GMDS: variants seen among roughly 807,000 people sequenced by gnomAD.
The protein encoded by GMDS is GDP-mannose 4,6-dehydratase, also known as GDP-mannose 4,6 dehydratase.
In GMDS, 20 loss-of-function variants were observed where a neutral mutation model predicts 49.9. That is an observed-to-expected ratio of 0.40 (90% CI 0.28 to 0.58). The LOEUF (loss-of-function observed/expected upper bound fraction) is 0.58, where lower values mean the gene tolerates loss of function less well. GMDS is among the 20% of genes least tolerant of loss of function. The probability of loss-of-function intolerance (pLI) is 0.42; values close to 1 mark genes in which losing one functional copy is unlikely to be tolerated. For synonymous variants in GMDS, 177 were observed against 178.6 expected (o/e 0.99, Z 0.07); for missense variants, 362 against 481.4 (o/e 0.75, Z 2.32).
intron 1 of GMDS, among the ~76,000 whole-genome samples, chr6:2,241,799 C>T (rs989829961): frequency 6.6e-6 from 1 of 152,174 alleles, no homozygotes; most frequent in East Asian, 1.9e-4. Context: ...ACCAAATAAA[C>T]CTCTTTTCTT....
At chr6:2,174,758 G>A (rs1778191101) in intron 1 of GMDS, among the ~76,000 whole-genome samples, 1 of 151,876 alleles carries the variant, frequency 6.6e-6, no homozygotes. Context: ...TAGTAGAGAC[G>A]GGATTGCACC....
At chr6:1,791,723 C>T (rs765852936) in intron 7 of GMDS, among the ~76,000 whole-genome samples, 4 of 152,134 alleles carry the variant, frequency 2.6e-5, no homozygotes, top group Non-Finnish European at 2.9e-5. Context: ...TAGAATACAA[C>T]GTGCATTTTG....
intron 9 of GMDS, among the ~76,000 whole-genome samples, chr6:1,628,767 TTAA>T (rs1313000212): frequency 6.6e-6 from 1 of 152,184 alleles, no homozygotes; most frequent in Non-Finnish European, 1.5e-5. Flanking sequence ...GACAGGGATG[TTAA>T]TAAGGAAAGC....
intron 7 of GMDS, among the ~76,000 whole-genome samples, chr6:1,819,220 T>C (rs574442608): frequency 9.3e-4 from 141 of 152,310 alleles, no homozygotes; most frequent in African/African-American, 3.2e-3. Flanking sequence ...AAAAGCGGCA[T>C]GACTACACAG....
chr6:1,784,762 C>G (rs937973267), intron 7 of GMDS, among the ~76,000 whole-genome samples: 1 of 152,194 alleles, frequency 6.6e-6, no homozygotes, highest in Non-Finnish European at 1.5e-5. Context: ...GAACACTGAA[C>G]TAAGGCTGAC....
In GMDS at chr6:2,018,993, C is replaced by T. The variant is rs116397982; in HGVS notation, c.346-58027G>A. 2.6e-3 allele frequency among the ~76,000 whole-genome samples: 403 copies of T among 152,096 alleles called. 2 individuals carry two copies. Among genetic ancestry groups the T allele is most frequent in the African/African-American group, 9.4e-3 (391 of 41,484 alleles). ...TCCCATTTTTCCACAACCTCATCAACGCTTGGTACTGTCTTTTTTATTATA... is the reference window on the plus strand; with the variant it reads ...TCCCATTTTTCCACAACCTCATCAATGCTTGGTACTGTCTTTTTTATTATA... On this transcript the variant is annotated intron_variant, in intron 4 of 10. Coordinates refer to ENST00000380815, the MANE Select transcript of GMDS (RefSeq NM_001500.4).
At position 1,725,502 on chromosome 6, in the gene GMDS, C is replaced by T. The variant is rs184207586; in HGVS notation, c.987+914G>A. On this transcript the variant is annotated intron_variant, in intron 9 of 10. Coordinates refer to ENST00000380815, the MANE Select transcript of GMDS (RefSeq NM_001500.4). The stretch of plus-strand genomic sequence containing the variant: ...GCTGGAGTGCAATGGCGCGCGATCT[C>T]GGCTCACTGCAACCTCCGCCTCCTG... Among the ~76,000 whole-genome samples, 134 of 152,028 alleles carry T rather than the reference C, an allele frequency of 8.8e-4. 1 individual carries two copies. The highest frequency in any genetic ancestry group is 3.4e-3 in the Middle Eastern group (1 of 294).
intron 4 of GMDS, among the ~76,000 whole-genome samples, chr6:1,964,066 T>G (rs150985971): frequency 2.3e-4 from 35 of 152,266 alleles, no homozygotes; most frequent in African/African-American, 8.4e-4. Context: ...AGCCAGATGC[T>G]CTGAGGAGAA....
At chr6:1,927,528 C>T (rs1380015926) in intron 7 of GMDS, among the ~76,000 whole-genome samples, 3 of 152,230 alleles carry the variant, frequency 2.0e-5, no homozygotes, top group South Asian at 4.1e-4. Context: ...GACCTTTTTG[C>T]ACCAACCCCT....
At chr6:2,203,191 T>TG in intron 1 of GMDS, among the ~76,000 whole-genome samples, 2 of 152,248 alleles carry the variant, frequency 1.3e-5, no homozygotes, top group East Asian at 1.9e-4. Context: ...TTTAGGCCAC[T>TG]GGGGGGTTGG....
chr6:1,726,454 C>T lies in GMDS; in HGVS notation c.949G>A (p.Val317Met), dbSNP rs1766591331. ...GRCKETGKVH[V>M]TVDLKYYRPT... The stretch of plus-strand genomic sequence containing the variant: ...CGGTAGTACTTGAGATCCACAGTCA[C>T]GTGAACTTTGCCGGTCTCTTTACAT... Residue 317 changes from valine (V) to methionine (M), a missense_variant, in exon 9 of 11, where the codon GTG becomes ATG. By Grantham distance (21) the Val-to-Met change is conservative. Transcript: ENST00000380815. 2.5e-6 allele frequency: 4 copies of T among 1,613,874 alleles called. No homozygotes were observed. Among genetic ancestry groups the T allele is most frequent in the African/African-American group, 1.3e-5 (1 of 75,054 alleles).
chr6:2,148,089 A>G (rs1217499884), intron 1 of GMDS, among the ~76,000 whole-genome samples: 1 of 152,074 alleles, frequency 6.6e-6, no homozygotes, highest in Non-Finnish European at 1.5e-5. Flanking sequence ...TTTGAAACAC[A>G]TTTTTACTAT....
intron 7 of GMDS, among the ~76,000 whole-genome samples, chr6:1,913,325 G>A (rs1426334036): frequency 6.8e-6 from 1 of 146,056 alleles, no homozygotes; most frequent in Non-Finnish European, 1.5e-5. Flanking sequence ...AGCTTGCAGT[G>A]AGCCGAGATC....
At chr6:1,824,411 C>T (rs1056315876) in intron 7 of GMDS, among the ~76,000 whole-genome samples, 13 of 152,150 alleles carry the variant, frequency 8.5e-5, no homozygotes, top group African/African-American at 2.7e-4. Flanking sequence ...TATACCGCCG[C>T]GCCCCGCCCC....
intron 6 of GMDS, among the ~76,000 whole-genome samples, chr6:1,956,216 T>C (rs973400761): frequency 7.9e-5 from 12 of 152,178 alleles, no homozygotes; most frequent in South Asian, 2.1e-4. Context: ...AATGTTTTCT[T>C]AGAGGCCCAG....
chr6:2,011,552 T>G (rs955241671), intron 4 of GMDS, among the ~76,000 whole-genome samples: 1 of 152,162 alleles, frequency 6.6e-6, no homozygotes, highest in African/African-American at 2.4e-5. Flanking sequence ...AACATACATG[T>G]CCATCATTGG....
At chr6:1,781,590 C>T (rs1376544068) in intron 7 of GMDS, among the ~76,000 whole-genome samples, 3 of 151,564 alleles carry the variant, frequency 2.0e-5, no homozygotes, top group Non-Finnish European at 4.4e-5. Context: ...CCCTCACACC[C>T]AGGTGAGGCC....
chr6:2,065,563 G>C (rs936762733), intron 4 of GMDS, among the ~76,000 whole-genome samples: 1 of 152,156 alleles, frequency 6.6e-6, no homozygotes, highest in African/African-American at 2.4e-5. Flanking sequence ...AACCAATACA[G>C]AGAAGTGCTT....
chr6:1,711,945 C>T (rs927214328), intron 9 of GMDS, among the ~76,000 whole-genome samples: 1 of 152,164 alleles, frequency 6.6e-6, no homozygotes, highest in African/African-American at 2.4e-5. Context: ...AACATGCCCC[C>T]CAAAGCCCCA....
Sources: gnomAD v4.1 joint callset for allele counts (sites outside exome capture counted in the v4.1 genomes callset) on GRCh38, gnomAD v4.1.1 for gene constraint, MANE v1.5 for transcripts, NCBI Gene and HGNC (gene_info 2026-07-23, HGNC 2026-07-21) for gene names.